Variants in ZFP69 observed in about 807,000 individuals in gnomAD.
The protein encoded by ZFP69 is zinc finger protein 69 homolog.
ZFP69 carries 35 observed loss-of-function variants against 48.9 expected under a neutral mutation model. The observed-to-expected ratio is 0.72, with a 90% CI of 0.55 to 0.95. The LOEUF (loss-of-function observed/expected upper bound fraction) is 0.95, where lower values mean the gene tolerates loss of function less well. Among genes scored for constraint, ZFP69 ranks in the 40% least tolerant of loss-of-function variants. The pLI is 0.00. For missense variants in ZFP69, 557 were observed against 638.4 expected, an observed-to-expected ratio of 0.87 and a Z score of 1.37; for synonymous variants, 193 against 216.8, an observed-to-expected ratio of 0.89 and a Z score of 0.96.
intron 2 of ZFP69, among the ~76,000 whole-genome samples, chr1:40,481,486 A>G (rs1645442876): frequency 6.6e-6 from 1 of 152,092 alleles, no homozygotes; most frequent in South Asian, 2.1e-4. Flanking sequence ...CCATTGGTAG[A>G]GTTTTTTGGA....
chr1:40,487,801 C>A (rs1169922866), intron 3 of ZFP69, among the ~76,000 whole-genome samples: 1 of 152,136 alleles, frequency 6.6e-6, no homozygotes, highest in Non-Finnish European at 1.5e-5. Flanking sequence ...AATCCCAGCA[C>A]TTCAGGAGGC....
Position 40,495,512 on chromosome 1 carries a change from A to G in ZFP69, c.1034A>G (p.His345Arg). 6.2e-7 allele frequency: 1 copy of G among 1,614,208 alleles called. No homozygotes were observed. The highest frequency in any genetic ancestry group is 1.3e-5 in the African/African-American group (1 of 75,060). ...AFRHRSSLNQ[H>R]HRTHTGEKPY... Reference sequence around the variant, plus strand: ...AGACATCGCTCATCACTTAATCAGCATCATAGAACTCACACTGGGGAGAAA... The same window carrying G: ...AGACATCGCTCATCACTTAATCAGCGTCATAGAACTCACACTGGGGAGAAA... Residue 345 changes from histidine (H) to arginine (R), a missense_variant, in exon 6 of 6, where the codon CAT becomes CGT. By Grantham distance (29) the His-to-Arg change is conservative. Coordinates refer to ENST00000372706, the MANE Select transcript of ZFP69 (RefSeq NM_001320179.2).
chr1:40,489,044 C>T (rs1214852200), intron 3 of ZFP69, 44 bp from the exon 4 acceptor site: 3 of 1,612,170 alleles, frequency 1.9e-6, no homozygotes, highest in Non-Finnish European at 2.5e-6. Flanking sequence ...TGGAACTTAA[C>T]AGAGGTGGTC....
chr1:40,479,591 C>T (rs57337970), intron 2 of ZFP69, 103 bp downstream of exon 2: 51,050 of 1,389,070 alleles, frequency 0.037, 1,328 homozygotes, highest in African/African-American at 0.11. Flanking sequence ...GAGAAGGTCT[C>T]TGGGGGTTCA....
chr1:40,483,686 T>C (rs1278059744), intron 3 of ZFP69, among the ~76,000 whole-genome samples: 1 of 152,230 alleles, frequency 6.6e-6, no homozygotes, highest in Non-Finnish European at 1.5e-5. Flanking sequence ...TTATCGTTAC[T>C]TCTTCCATAT....
In ZFP69 at chr1:40,494,255, A is replaced by ATTTTTTTT. The variant is rs1645598717; in HGVS notation, c.443-666_443-665insTTTTTTTT. On this transcript the variant is annotated intron_variant, in intron 5 of 5. Transcript: ENST00000372706. ...ATTAGAGCAGGACTAAAAGATTCAA[A>ATTTTTTTT]ATTTTTTTTTTTTTTTTTTTTTTTT... 1.6e-3 allele frequency among the ~76,000 whole-genome samples: 193 copies of ATTTTTTTT among 123,790 alleles called. 26 individuals carry two copies. The highest frequency in any genetic ancestry group is 2.2e-3 in the African/African-American group (69 of 31,574). The allele number at this position is 123,790 out of a possible 152,430, so 81.2% of individuals were successfully genotyped here. A position where few individuals can be genotyped will look rare whatever the true frequency, so the allele number is the denominator to read the frequency against.
At chr1:40,489,866 CT>C (rs374820239) in intron 5 of ZFP69, among the ~76,000 whole-genome samples, 5,144 of 115,130 alleles carry the variant, frequency 0.045, 139 homozygotes, top group African/African-American at 0.13. Flanking sequence ...TTTTCTTTTT[CT>C]TTTTTTTTTT....
At chr1:40,487,286 T>G (rs1645511003) in intron 3 of ZFP69, among the ~76,000 whole-genome samples, 1 of 152,174 alleles carries the variant, frequency 6.6e-6, no homozygotes, top group African/African-American at 2.4e-5. Context: ...TAGACTTTTT[T>G]CAATAAATAT....
intron 2 of ZFP69, among the ~76,000 whole-genome samples, chr1:40,481,103 G>A (rs925806989): frequency 2.6e-5 from 4 of 152,166 alleles, no homozygotes; most frequent in South Asian, 2.1e-4. Flanking sequence ...CACTGCGCCC[G>A]GCCTGGTTGT....
rs577329073 is a variant in ZFP69, at chr1:40,479,585, A to G, written c.127+97A>G. 4.3e-6 allele frequency: 6 copies of G among 1,394,918 alleles called. No individual in the cohort carries two copies. In the East Asian group the frequency reaches 1.6e-4, roughly 38 times the overall value. 86.4% of individuals were successfully genotyped at this position (1,394,918 alleles called of 1,614,324 possible). A position where few individuals can be genotyped will look rare whatever the true frequency, so the allele number is the denominator to read the frequency against. On this transcript the variant is annotated intron_variant, in intron 2 of 5. Coordinates refer to ENST00000372706, the MANE Select transcript of ZFP69 (RefSeq NM_001320179.2). The stretch of plus-strand genomic sequence containing the variant: ...TGAAGTGGAGAGAAGGAGGGAGAGA[A>G]GGTCTCTGGGGGTTCATTCTTGTGG...
chr1:40,494,916 T>G lies in ZFP69; in HGVS notation c.443-5T>G. 1 of 1,594,268 alleles carries G rather than the reference T, an allele frequency of 6.3e-7. No homozygotes were observed. The highest frequency in any genetic ancestry group is 2.2e-5 in the East Asian group (1 of 44,698). On this transcript the variant is annotated splice_polypyrimidine_tract_variant and splice_region_variant and intron_variant, in intron 5 of 5. Coordinates refer to ENST00000372706, the MANE Select transcript of ZFP69 (RefSeq NM_001320179.2). ...GTTTTTAAAGCTTTTTTTCATTTCT[T>G]TCAGACTTGAAGAGTAAAATAGAAA...
In ZFP69 at chr1:40,479,493, G is replaced by GA; in HGVS notation, c.127+7dup. Reference sequence around the variant, plus strand: ...CTAAAATGTTTGAAGGAGAAGGTGAGAATGGACTGATGGAGGGGGAAGAAG... The same window carrying GA: ...CTAAAATGTTTGAAGGAGAAGGTGAGAAATGGACTGATGGAGGGGGAAGAAG... On this transcript the variant is annotated splice_donor_region_variant and intron_variant, in intron 2 of 5. Transcript: ENST00000372706. 6.2e-7 allele frequency: 1 copy of GA among 1,610,620 alleles called. No homozygotes were observed. Among genetic ancestry groups the GA allele is most frequent in the Non-Finnish European group, 8.5e-7 (1 of 1,177,938 alleles).
chr1:40,484,883 C>CT (rs71060386), intron 3 of ZFP69, among the ~76,000 whole-genome samples: 20,884 of 44,310 alleles, frequency 0.47, 8,100 homozygotes, highest in East Asian at 0.56. Context: ...GCCTGGCCTG[C>CT]TTTTTTTTTT....
At chr1:40,489,870 T>C (rs1441151120) in intron 5 of ZFP69, among the ~76,000 whole-genome samples, 12 of 96,750 alleles carry the variant, frequency 1.2e-4, no homozygotes, top group Admixed American at 2.9e-4. Context: ...CTTTTTCTTT[T>C]TTTTTTTTTT....
At chr1:40,483,886 G>A (rs557651666) in intron 3 of ZFP69, among the ~76,000 whole-genome samples, 1 of 152,116 alleles carries the variant, frequency 6.6e-6, no homozygotes, top group Admixed American at 6.5e-5. Flanking sequence ...AGACCAGCCT[G>A]TCCAACATCG....
At chr1:40,485,342 T>C (rs1254641867) in intron 3 of ZFP69, among the ~76,000 whole-genome samples, 3 of 152,242 alleles carry the variant, frequency 2.0e-5, no homozygotes, top group South Asian at 2.1e-4. Context: ...CACAGTTACT[T>C]TGAATTAATG....
intron 5 of ZFP69, among the ~76,000 whole-genome samples, chr1:40,489,865 T>TC (rs1491051998): frequency 8.0e-6 from 1 of 125,552 alleles, no homozygotes. Flanking sequence ...TTTTTCTTTT[T>TC]CTTTTTTTTT....
At chr1:40,485,197 CTTTAT>C (rs908029124) in intron 3 of ZFP69, among the ~76,000 whole-genome samples, 8 of 151,882 alleles carry the variant, frequency 5.3e-5, no homozygotes, top group Admixed American at 2.0e-4. Flanking sequence ...CTGGCCAGTT[CTTTAT>C]TTTTAGTGGT....
In ZFP69 at chr1:40,496,206, T is replaced by C; in HGVS notation, c.*147T>C. 1 of 737,792 alleles carries C rather than the reference T, an allele frequency of 1.4e-6. No individual in the cohort carries two copies. The allele number at this position is 737,792 out of a possible 1,614,324, so 45.7% of individuals were successfully genotyped here. ...TGTAAATAAACATTACATTGACAGG[T>C]ATTGACTACTAACACCTCTAAAAAG... On this transcript the variant is annotated 3_prime_UTR_variant, in exon 6 of 6. Transcript: ENST00000372706.
Sources: gnomAD v4.1 joint callset for allele counts (sites outside exome capture counted in the v4.1 genomes callset) on GRCh38, gnomAD v4.1.1 for gene constraint, MANE v1.5 for transcripts, NCBI Gene and HGNC (gene_info 2026-07-23, HGNC 2026-07-21) for gene names.